OSBPL10: variants seen among roughly 807,000 people sequenced by gnomAD.
OSBPL10 encodes oxysterol binding protein like 10, also known as oxysterol-binding protein-related protein 10.
Under a neutral mutation model 81.7 loss-of-function variants are expected in OSBPL10, and 49 were observed. The observed-to-expected ratio is 0.60, with a 90% CI of 0.48 to 0.76. OSBPL10 has a LOEUF of 0.76. Among genes scored for constraint, OSBPL10 ranks in the 30% least tolerant of loss-of-function variants. The pLI, the probability that OSBPL10 is intolerant of heterozygous loss-of-function variation, is 0.00. For synonymous variants in OSBPL10, 419 were observed against 383.6 expected, an observed-to-expected ratio of 1.09 and a Z score of -1.08; for missense variants, 923 against 987.8, an observed-to-expected ratio of 0.93 and a Z score of 0.88.
intron 8 of OSBPL10, among the ~76,000 whole-genome samples, chr3:31,673,161 C>T (rs1269878954): frequency 6.6e-6 from 1 of 152,066 alleles, no homozygotes; most frequent in Non-Finnish European, 1.5e-5. Flanking sequence ...CCTGGAGGCC[C>T]TGTCCTATCC....
At chr3:31,951,680 A>G (rs1697872751) in intron 1 of OSBPL10, among the ~76,000 whole-genome samples, 1 of 150,932 alleles carries the variant, frequency 6.6e-6, no homozygotes, top group Non-Finnish European at 1.5e-5. Flanking sequence ...GTATACAATT[A>G]TAAAAATAGA....
intron 2 of OSBPL10, among the ~76,000 whole-genome samples, chr3:31,998,003 G>C (rs187060627): frequency 3.2e-4 from 49 of 152,154 alleles, no homozygotes; most frequent in Admixed American, 2.9e-3. Flanking sequence ...CTGTTGCCCA[G>C]ACTGGTCTCA....
intron 1 of OSBPL10, among the ~76,000 whole-genome samples, chr3:31,953,085 C>G (rs903654057): frequency 6.6e-6 from 1 of 151,854 alleles, no homozygotes; most frequent in East Asian, 1.9e-4. Context: ...GCGCCCACCA[C>G]CATGCCTGGC....
chr3:31,663,539 G>A (rs1246699555), intron 11 of OSBPL10: 1 of 1,000,870 alleles, frequency 1.0e-6, no homozygotes, highest in Non-Finnish European at 1.2e-6. Context: ...AGCTTCTAGT[G>A]TCACATTTGC....
intron 1 of OSBPL10, among the ~76,000 whole-genome samples, chr3:31,963,271 T>A (rs1368770947): frequency 6.6e-6 from 1 of 151,392 alleles, no homozygotes; most frequent in Non-Finnish European, 1.5e-5. Flanking sequence ...TCCCATCCCC[T>A]TCTCCTTATA....
intron 8 of OSBPL10, among the ~76,000 whole-genome samples, chr3:31,677,680 A>C (rs953480114): frequency 6.6e-6 from 1 of 152,138 alleles, no homozygotes; most frequent in Non-Finnish European, 1.5e-5. Flanking sequence ...AAAGTGAATC[A>C]AGGGCTCCAG....
chr3:32,039,140 A>T (rs1266880460), intron 2 of OSBPL10, among the ~76,000 whole-genome samples: 1 of 151,782 alleles, frequency 6.6e-6, no homozygotes, highest in African/African-American at 2.4e-5. Flanking sequence ...CCTGGCCAAT[A>T]TGGTGAAACC....
chr3:31,668,630 C>T lies in OSBPL10; in HGVS notation c.2096+12G>A. On this transcript the variant is annotated intron_variant, in intron 10 of 11. Transcript: ENST00000396556. Reference sequence around the variant, plus strand: ...GACTAAGCTGGAGAGGAAGACACAGCCCGGTTCTCACCTGGACTCCATGGG... The same window carrying T: ...GACTAAGCTGGAGAGGAAGACACAGTCCGGTTCTCACCTGGACTCCATGGG... The T allele has an allele frequency of 6.2e-7, 1 of 1,604,712 alleles. No homozygotes were observed. Among genetic ancestry groups the T allele is most frequent in the South Asian group, 1.1e-5 (1 of 89,366 alleles).
At chr3:32,064,201 C>T (rs1295238931) in intron 1 of OSBPL10, 2 of 93,352 alleles carry the variant, frequency 2.1e-5, no homozygotes, top group African/African-American at 5.5e-5. Context: ...TGGGCTCAAG[C>T]CATCCATCCA....
intron 1 of OSBPL10, among the ~76,000 whole-genome samples, chr3:31,905,937 T>TA (rs1416562956): frequency 6.6e-6 from 1 of 151,270 alleles, no homozygotes. Context: ...AACAAATATA[T>TA]ATTCAGATCC....
chr3:31,808,430 T>C (rs745554492), intron 4 of OSBPL10, among the ~76,000 whole-genome samples: 1 of 152,234 alleles, frequency 6.6e-6, no homozygotes, highest in Non-Finnish European at 1.5e-5. Flanking sequence ...GGTGATAAAT[T>C]ACCCTGCTGT....
chr3:31,754,280 T>G (rs937489315), intron 4 of OSBPL10, among the ~76,000 whole-genome samples: 1 of 152,146 alleles, frequency 6.6e-6, no homozygotes, highest in Non-Finnish European at 1.5e-5. Context: ...CAAGTATCTG[T>G]TAAGCCTGTT....
intron 1 of OSBPL10, among the ~76,000 whole-genome samples, chr3:31,958,436 C>T (rs1698068609): frequency 6.6e-6 from 1 of 152,002 alleles, no homozygotes; most frequent in African/African-American, 2.4e-5. Flanking sequence ...GTGTGTTATG[C>T]TTTTTAATAA....
intron 1 of OSBPL10, among the ~76,000 whole-genome samples, chr3:31,953,715 A>C (rs1697933308): frequency 6.6e-6 from 1 of 152,236 alleles, no homozygotes; most frequent in Non-Finnish European, 1.5e-5. Context: ...CACAATGGCC[A>C]TTCTTCATTA....
At chr3:31,997,788 GT>G (rs1471836645) in intron 2 of OSBPL10, among the ~76,000 whole-genome samples, 2 of 151,826 alleles carry the variant, frequency 1.3e-5, no homozygotes, top group Non-Finnish European at 2.9e-5. Context: ...GTTTTGTTTT[GT>G]TTTTGTTTCT....
At chr3:31,830,494 C>T (rs1700213363) in intron 3 of OSBPL10, among the ~76,000 whole-genome samples, 1 of 152,006 alleles carries the variant, frequency 6.6e-6, no homozygotes. Flanking sequence ...CAAAATCCTG[C>T]CCCCCACCGT....
chr3:32,027,150 G>A (rs1398540666), intron 2 of OSBPL10, among the ~76,000 whole-genome samples: 1 of 151,916 alleles, frequency 6.6e-6, no homozygotes, highest in Non-Finnish European at 1.5e-5. Flanking sequence ...ATCTACATTA[G>A]GTATTTGCCC....
intron 4 of OSBPL10, among the ~76,000 whole-genome samples, chr3:31,775,405 T>TG (rs760845673): frequency 3.6e-4 from 54 of 151,980 alleles, no homozygotes; most frequent in Non-Finnish European, 5.9e-5. Context: ...AAAAAGCTGT[T>TG]GGAGTCCAGG....
rs34746076 is a variant in OSBPL10, at chr3:31,925,482, ATT to A, written c.282-45654_282-45653del. Among the ~76,000 whole-genome samples the A allele has an allele frequency of 6.0e-3, 886 of 147,098 alleles. 5 individuals are homozygous for A. The highest frequency in any genetic ancestry group is 0.015 in the African/African-American group (605 of 40,048). ...GACTGTTAAATTCATCATGCAAAGC[ATT>A]TTTTTTTTTTTTTGAGTGAAAGGAG... On this transcript the variant is annotated intron_variant, in intron 1 of 11. Coordinates refer to ENST00000396556, the MANE Select transcript of OSBPL10 (RefSeq NM_017784.5).
Sources: allele counts gnomAD v4.1 joint callset (sites outside exome capture counted in the v4.1 genomes callset), GRCh38; gene constraint gnomAD v4.1.1; transcripts MANE v1.5; gene names NCBI Gene and HGNC (gene_info 2026-07-23, HGNC 2026-07-21).